The following RABEP2 variants were observed in gnomAD, a reference collection of about 807,000 sequenced individuals.
The protein encoded by RABEP2 is rab GTPase-binding effector protein 2.
A neutral mutation model predicts 74.1 loss-of-function variants in RABEP2; 57 were observed. That is an observed-to-expected ratio of 0.77 (90% confidence interval 0.62 to 0.96). The LOEUF is 0.96. Among genes scored for constraint, RABEP2 ranks in the 40% least tolerant of loss-of-function variants. The pLI, the probability that RABEP2 is intolerant of heterozygous loss-of-function variation, is 0.00. For synonymous variants in RABEP2, 351 were observed against 344.0 expected, an observed-to-expected ratio of 1.02 and a Z score of -0.23; for missense variants, 692 against 756.3, an observed-to-expected ratio of 0.91 and a Z score of 1.00.
intron 7 of RABEP2, 69 bp from the exon 8 acceptor site, chr16:28,908,833 C>T (rs1168841783): frequency 2.0e-6 from 3 of 1,482,762 alleles, no homozygotes; most frequent in African/African-American, 1.4e-5. Flanking sequence ...GAGGCCAAAC[C>T]TCCTTGAACC....
chr16:28,911,174 T>C lies in RABEP2; in HGVS notation c.900A>G (p.Arg300=), dbSNP rs751256505. Residue 300 remains arginine, a synonymous_variant, in exon 6 of 13, where the codon CGA becomes CGG. Transcript: ENST00000358201. ...TQWEQLQTEG[R]QLQKDLESVS... ...CGCTCTCCAGGTCCTTCTGCAGCTG[T>C]CGGCCCTGCCACAGACCCTGCCTTC... The C allele has an allele frequency of 2.2e-5, 36 of 1,608,600 alleles. No homozygotes were observed. Among genetic ancestry groups the C allele is most frequent in the Middle Eastern group, 1.8e-4 (1 of 5,704 alleles).
intron 12 of RABEP2, 54 bp from the exon 13 acceptor site, chr16:28,905,098 A>AC (rs1415355782): frequency 6.9e-7 from 1 of 1,451,372 alleles, no homozygotes; most frequent in African/African-American, 1.4e-5. Flanking sequence ...CGCAGCCCCT[A>AC]CCCCACCTGC....
chr16:28,925,192 A>C lies in RABEP2; in HGVS notation c.-29T>G. Reference sequence around the variant, plus strand: ...CTCAGCGCAAACGGCGGATTCCCGCACTCCCTGGTGACGGAGCGCACCGCT... The same window carrying C: ...CTCAGCGCAAACGGCGGATTCCCGCCCTCCCTGGTGACGGAGCGCACCGCT... On this transcript the variant is annotated 5_prime_UTR_variant, in exon 1 of 13. Coordinates refer to ENST00000358201, the MANE Select transcript of RABEP2 (RefSeq NM_024816.3). The C allele has an allele frequency of 6.6e-7, 1 of 1,520,274 alleles. No homozygotes were observed. The highest frequency in any genetic ancestry group is 8.8e-7 in the Non-Finnish European group (1 of 1,140,376). 94.2% of individuals were successfully genotyped at this position (1,520,274 alleles called of 1,614,324 possible). A position where few individuals can be genotyped will look rare whatever the true frequency, so the allele number is the denominator to read the frequency against.
At chr16:28,910,186 G>A (rs1038551409) in intron 7 of RABEP2, 3 of 152,008 alleles carry the variant, frequency 2.0e-5, no homozygotes, top group African/African-American at 7.3e-5. Flanking sequence ...AGGGGCCTCT[G>A]GTTCCAGGCC....
intron 7 of RABEP2, chr16:28,910,193 G>A (rs536039430): frequency 6.6e-6 from 1 of 152,012 alleles, no homozygotes; most frequent in African/African-American, 2.4e-5. Context: ...TCTGGTTCCA[G>A]GCCGCCTACT....
At chr16:28,909,804 C>G (rs1237804509) in intron 7 of RABEP2, among the ~76,000 whole-genome samples, 2 of 151,498 alleles carry the variant, frequency 1.3e-5, no homozygotes, top group Non-Finnish European at 2.9e-5. Context: ...ACGGGTGGAT[C>G]ACGAGGTCAG....
intron 8 of RABEP2, among the ~76,000 whole-genome samples, 170 bp from the exon 9 acceptor site, chr16:28,906,366 T>C (rs1964231743): frequency 6.6e-6 from 1 of 152,130 alleles, no homozygotes; most frequent in Admixed American, 6.5e-5. Context: ...GGAGGACAGG[T>C]GCGCTCCGGC....
At chr16:28,912,078 CTACTA>C (rs1409551989) in intron 5 of RABEP2, among the ~76,000 whole-genome samples, 2 of 151,904 alleles carry the variant, frequency 1.3e-5, no homozygotes, top group African/African-American at 4.8e-5. Context: ...AACCCCGTCT[CTACTA>C]TAAACACAAA....
Position 28,906,005 on chromosome 16 carries a change from G to T in RABEP2, c.1423+14C>A, listed in dbSNP as rs367817373. 4.5e-5 allele frequency: 72 copies of T among 1,608,196 alleles called. No homozygotes were observed. The highest frequency in any genetic ancestry group is 3.3e-4 in the Middle Eastern group (2 of 6,042). ...CCTGGGCCCGGGGCTGGGGGCTTGT[G>T]CCCCTCCCCTCACCTGTCTCCTCCC... On this transcript the variant is annotated intron_variant, in intron 9 of 12. Transcript: ENST00000358201.
chr16:28,924,738 G>C (rs367992203), intron 1 of RABEP2, 123 bp from the exon 2 acceptor site: 33 of 911,880 alleles, frequency 3.6e-5, no homozygotes, highest in South Asian at 3.3e-4. Context: ...GGGCCCGCCC[G>C]GCTCACCTGG....
chr16:28,920,363 GTTATTATTATTATTATTATTA>G (rs147158210), intron 2 of RABEP2, among the ~76,000 whole-genome samples: 1 of 141,618 alleles, frequency 7.1e-6, no homozygotes, highest in Non-Finnish European at 1.5e-5. Context: ...ATTTTTTTTG[GTTATTATTATTATTATTATTA>G]TTATTATTAT....
chr16:28,909,603 A>G (rs1388714971), intron 7 of RABEP2, among the ~76,000 whole-genome samples: 1 of 151,862 alleles, frequency 6.6e-6, no homozygotes, highest in Non-Finnish European at 1.5e-5. Flanking sequence ...AGTCCCAGCT[A>G]CTCAGGAGGG....
intron 7 of RABEP2, among the ~76,000 whole-genome samples, chr16:28,909,707 A>G (rs1964284516): frequency 6.7e-6 from 1 of 149,050 alleles, no homozygotes; most frequent in Non-Finnish European, 1.5e-5. Context: ...TGAGCGACAG[A>G]GCAACACACC....
intron 3 of RABEP2, among the ~76,000 whole-genome samples, chr16:28,916,635 G>A (rs1964397149): frequency 7.1e-6 from 1 of 140,346 alleles, no homozygotes; most frequent in South Asian, 2.2e-4. Flanking sequence ...TCACGTCACT[G>A]CACTCCAGCC....
At chr16:28,906,286 CG>C in intron 8 of RABEP2, 90 bp from the exon 9 acceptor site, 1 of 1,433,072 alleles carries the variant, frequency 7.0e-7, no homozygotes, top group Non-Finnish European at 9.2e-7. Flanking sequence ...TCGGGAGGAA[CG>C]GGGAAGGAAG....
At chr16:28,906,637 C>A (rs190732653) in intron 8 of RABEP2, among the ~76,000 whole-genome samples, 1 of 152,068 alleles carries the variant, frequency 6.6e-6, no homozygotes, top group African/African-American at 2.4e-5. Context: ...TGGTGGTGCA[C>A]GCCTGTAGTC....
chr16:28,907,102 T>G (rs1964246593), intron 8 of RABEP2, among the ~76,000 whole-genome samples: 1 of 150,304 alleles, frequency 6.7e-6, no homozygotes, highest in South Asian at 2.1e-4. Flanking sequence ...TGCCCGGAAG[T>G]GGACAGATCT....
chr16:28,904,584 G>A lies in RABEP2; in HGVS notation c.*359C>T. 7.8e-7 allele frequency: 1 copy of A among 1,285,692 alleles called. No homozygotes were observed. The highest frequency in any genetic ancestry group is 1.0e-6 in the Non-Finnish European group (1 of 966,594). The allele number at this position is 1,285,692 out of a possible 1,614,324, so 79.6% of individuals were successfully genotyped here. On this transcript the variant is annotated 3_prime_UTR_variant, in exon 13 of 13. Transcript: ENST00000358201. ...GGCCGGGGCCCACCTCACTGCCTCT[G>A]ATGGGGACTCCCAGCCCCCATGGCT...
chr16:28,915,935 G>T (rs938183445), intron 3 of RABEP2, among the ~76,000 whole-genome samples: 3 of 151,308 alleles, frequency 2.0e-5, no homozygotes. Context: ...TGCCTCCTAG[G>T]TTCAAGCGAT....
Sources: gnomAD v4.1 joint callset for allele counts (sites outside exome capture counted in the v4.1 genomes callset) on GRCh38, gnomAD v4.1.1 for gene constraint, MANE v1.5 for transcripts, NCBI Gene and HGNC (gene_info 2026-07-23, HGNC 2026-07-21) for gene names.